Variants in DSE observed in about 807,000 individuals in gnomAD.
DSE encodes the protein dermatan sulfate epimerase.
DSE carries 36 observed loss-of-function variants against 84.4 expected under a neutral mutation model. That is an observed-to-expected ratio of 0.43 (90% CI 0.33 to 0.56). DSE has a LOEUF of 0.56. Ranked by LOEUF, DSE falls within the 20% of genes least tolerant of loss-of-function variation. The probability of loss-of-function intolerance (pLI) is 0.06; values close to 1 mark genes in which losing one functional copy is unlikely to be tolerated. For missense variants in DSE, 862 were observed against 1,169.6 expected (o/e 0.74, Z 3.84); for synonymous variants, 410 against 430.1 (o/e 0.95, Z 0.58).
In DSE at chr6:116,328,480, G is replaced by C. The variant is rs116103387; in HGVS notation, c.-54+69513G>C. On this transcript the variant is annotated intron_variant, in intron 2 of 3. Coordinates refer to the DSE transcript ENST00000430252. ...TTGAGATGGGGTGCGAAGAGTTTCAGATACAGCCAGGAAATACCTCAAATG... is the reference window on the plus strand; with the variant it reads ...TTGAGATGGGGTGCGAAGAGTTTCACATACAGCCAGGAAATACCTCAAATG... 4.3e-3 allele frequency among the ~76,000 whole-genome samples: 659 copies of C among 152,278 alleles called. 4 individuals carry two copies. Among genetic ancestry groups the C allele is most frequent in the African/African-American group, 0.015 (626 of 41,554 alleles).
intron 2 of DSE, chr6:116,276,633 A>C (rs958287139): frequency 6.6e-6 from 1 of 152,078 alleles, no homozygotes; most frequent in Non-Finnish European, 1.5e-5. Context: ...ACTTTAATGG[A>C]TTAAAGGACT....
At position 116,338,169 on chromosome 6, in the gene DSE, CT is replaced by C. The variant is rs1562239118; in HGVS notation, c.-53-61028del. 3.5e-5 allele frequency among the ~76,000 whole-genome samples: 5 copies of C among 144,452 alleles called. No homozygotes were observed. The South Asian group carries it at 8.6e-4, about 25-fold the overall frequency. The allele number at this position is 144,452 out of a possible 152,430, so 94.8% of individuals were successfully genotyped here. On this transcript the variant is annotated intron_variant, in intron 2 of 3. Transcript: ENST00000430252. ...CCTTTCTTTGTGCCTTCCTTTCTGT[CT>C]CTTTCTCTTTCTTTCTTTCTTTCTT...
At chr6:116,259,788 G>C (rs1207264575) in intron 2 of DSE, among the ~76,000 whole-genome samples, 3 of 152,192 alleles carry the variant, frequency 2.0e-5, no homozygotes, top group African/African-American at 7.2e-5. Context: ...ATGGCCTACA[G>C]CTCCATCCAT....
At chr6:116,321,139 C>G (rs1562228102) in intron 2 of DSE, among the ~76,000 whole-genome samples, 1 of 152,156 alleles carries the variant, frequency 6.6e-6, no homozygotes, top group East Asian at 1.9e-4. Flanking sequence ...TTCAAATACT[C>G]ATTTAAAAAA....
At chr6:116,348,667 C>T (rs1303853767) in intron 2 of DSE, among the ~76,000 whole-genome samples, 2 of 152,156 alleles carry the variant, frequency 1.3e-5, no homozygotes, top group Non-Finnish European at 2.9e-5. Context: ...TATAAAGACA[C>T]ATGCACACGT....
chr6:116,315,156 A>C (rs948022513), intron 2 of DSE, among the ~76,000 whole-genome samples: 2 of 152,150 alleles, frequency 1.3e-5, no homozygotes, highest in African/African-American at 4.8e-5. Flanking sequence ...AGTACAATGA[A>C]GGAATAGCCA....
At chr6:116,254,374 T>C in intron 1 of DSE, 4 of 493,664 alleles carry the variant, frequency 8.1e-6, no homozygotes, top group Non-Finnish European at 1.6e-5. Flanking sequence ...CTGAAAATAT[T>C]TACTTTAAGG....
intron 2 of DSE, among the ~76,000 whole-genome samples, chr6:116,295,615 A>G (rs1774613344): frequency 6.6e-6 from 1 of 152,188 alleles, no homozygotes; most frequent in South Asian, 2.1e-4. Flanking sequence ...AGAAAGCAAT[A>G]ATGTGTCTCC....
chr6:116,436,086 G>C lies in DSE; in HGVS notation c.1618G>C (p.Glu540Gln). 6.2e-7 allele frequency: 1 copy of C among 1,613,436 alleles called. No individual in the cohort carries two copies. The change falls in exon 6 of 6, where the codon GAA (glutamate) becomes CAA (glutamine). Residue 540 changes from glutamate to glutamine, a missense_variant. Coordinates refer to ENST00000644252, the MANE Select transcript of DSE (RefSeq NM_013352.4). ...AAATGGGGTGGTTTTCATCCGAGGAGAAGGTGTGGGAGCTTATAACCCCCA... is the reference window on the plus strand; with the variant it reads ...AAATGGGGTGGTTTTCATCCGAGGACAAGGTGTGGGAGCTTATAACCCCCA... ...EKNGVVFIRG[E>Q]GVGAYNPQLN...
At chr6:116,410,733 C>CACA (rs1782285629) in intron 2 of DSE, among the ~76,000 whole-genome samples, 1 of 79,616 alleles carries the variant, frequency 1.3e-5, no homozygotes, top group Non-Finnish European at 2.3e-5. Context: ...GACTCTGTCT[C>CACA]AAAAAAAAAA....
chr6:116,382,037 C>CTGTATG (rs1554220227), intron 1 of DSE, among the ~76,000 whole-genome samples: 1 of 144,770 alleles, frequency 6.9e-6, no homozygotes, highest in Admixed American at 6.9e-5. Context: ...ACATGGCATT[C>CTGTATG]TGTGTGTGTG....
chr6:116,323,404 G>A (rs1776441461), intron 2 of DSE, among the ~76,000 whole-genome samples: 1 of 152,158 alleles, frequency 6.6e-6, no homozygotes, highest in Non-Finnish European at 1.5e-5. Context: ...ATTGAGTAGT[G>A]AGATTCACAT....
chr6:116,342,093 G>T (rs554336756), intron 2 of DSE, among the ~76,000 whole-genome samples: 19 of 152,198 alleles, frequency 1.2e-4, no homozygotes, highest in African/African-American at 4.6e-4. Flanking sequence ...TTGTCTACAA[G>T]TTTAGCATTT....
At chr6:116,319,744 T>C (rs1279202749) in intron 2 of DSE, among the ~76,000 whole-genome samples, 2 of 152,230 alleles carry the variant, frequency 1.3e-5, no homozygotes, top group African/African-American at 4.8e-5. Context: ...GACACTCACC[T>C]TCAAAACTTC....
intron 1 of DSE, chr6:116,257,147 T>A (rs1772174248): frequency 6.6e-6 from 1 of 152,256 alleles, no homozygotes; most frequent in African/African-American, 2.4e-5. Flanking sequence ...TCTGGTTCAT[T>A]ATTTAGTGTT....
intron 2 of DSE, among the ~76,000 whole-genome samples, chr6:116,318,433 G>A (rs907742870): frequency 6.6e-6 from 1 of 152,110 alleles, no homozygotes; most frequent in Non-Finnish European, 1.5e-5. Flanking sequence ...ATGAACCCGG[G>A]CCAAGCTTGC....
chr6:116,312,079 G>T, intron 2 of DSE, among the ~76,000 whole-genome samples: 1 of 152,128 alleles, frequency 6.6e-6, no homozygotes, highest in South Asian at 2.1e-4. Flanking sequence ...TCAGTGTTAG[G>T]ACCTTTGTGT....
Position 116,430,983 on chromosome 6 carries a change from A to G in DSE, c.700A>G (p.Lys234Glu). The change falls in exon 4 of 6, where the codon AAA (lysine) becomes GAA (glutamate). Residue 234 changes from lysine to glutamate, a missense_variant. By Grantham distance (56) the Lys-to-Glu change is moderately conservative (BLOSUM62 1). Coordinates refer to ENST00000644252, the MANE Select transcript of DSE (RefSeq NM_013352.4). ...GYLQEAYLWT[K>E]QVLTIMEKSL... ...TCTTCAAGAAGCCTACTTATGGACC[A>G]AACAAGTTCTGACCATCATGGAGAA... 1 of 1,614,014 alleles carries G rather than the reference A, an allele frequency of 6.2e-7. No homozygotes were observed. Among genetic ancestry groups the G allele is most frequent in the Non-Finnish European group, 8.5e-7 (1 of 1,180,032 alleles).
intron 2 of DSE, among the ~76,000 whole-genome samples, chr6:116,360,470 T>C (rs1456959312): frequency 6.6e-6 from 1 of 152,202 alleles, no homozygotes; most frequent in Non-Finnish European, 1.5e-5. Context: ...TATTGAAACA[T>C]GGGGAAAATA....
Sources: allele counts gnomAD v4.1 joint callset (sites outside exome capture counted in the v4.1 genomes callset), GRCh38; gene constraint gnomAD v4.1.1; transcripts MANE v1.5; gene names NCBI Gene and HGNC (gene_info 2026-07-23, HGNC 2026-07-21).